Variants in RBMS3 observed in about 807,000 individuals in gnomAD.
RBMS3 encodes RNA binding motif single stranded interacting protein 3.
RBMS3 carries 27 observed loss-of-function variants against 66.8 expected under a neutral mutation model. The observed-to-expected ratio is 0.40, with a 90% CI of 0.30 to 0.56. RBMS3 has a LOEUF of 0.56. Among genes scored for constraint, RBMS3 ranks in the 20% least tolerant of loss-of-function variants. The pLI, the probability that RBMS3 is intolerant of heterozygous loss-of-function variation, is 0.40. For synonymous variants in RBMS3, 188 were observed against 183.0 expected, an observed-to-expected ratio of 1.03 and a Z score of -0.22; for missense variants, 513 against 549.5, an observed-to-expected ratio of 0.93 and a Z score of 0.66.
intron 6 of RBMS3, chr3:29,767,124 T>G (rs1390343809): frequency 6.6e-6 from 1 of 151,930 alleles, no homozygotes; most frequent in East Asian, 1.9e-4. Flanking sequence ...AAAGGGTTAG[T>G]TCCCAGACAC....
chr3:29,535,827 T>C (rs942148503), intron 3 of RBMS3, among the ~76,000 whole-genome samples: 9 of 149,174 alleles, frequency 6.0e-5, no homozygotes, highest in African/African-American at 2.2e-4. Context: ...CATGGACTCA[T>C]TTATAATTTA....
At chr3:29,892,071 C>T (rs375212950) in intron 8 of RBMS3, among the ~76,000 whole-genome samples, 206 of 151,408 alleles carry the variant, frequency 1.4e-3, no homozygotes, top group African/African-American at 4.4e-3. Context: ...TACTACTGAC[C>T]GCCAAATCCC....
At chr3:29,755,929 C>T (rs115128169) in intron 5 of RBMS3, among the ~76,000 whole-genome samples, 150 of 152,186 alleles carry the variant, frequency 9.9e-4, no homozygotes, top group African/African-American at 3.5e-3. Flanking sequence ...CACCACTCTC[C>T]CTGTATAAAT....
intron 7 of RBMS3, among the ~76,000 whole-genome samples, chr3:29,873,065 T>G (rs1333521011): frequency 1.3e-5 from 2 of 152,216 alleles, no homozygotes; most frequent in African/African-American, 4.8e-5. Context: ...TAGGATTGCC[T>G]TGGCTATTCA....
intron 1 of RBMS3, among the ~76,000 whole-genome samples, chr3:29,416,177 G>C (rs1249193117): frequency 6.6e-6 from 1 of 152,074 alleles, no homozygotes; most frequent in African/African-American, 2.4e-5. Flanking sequence ...TGATATGACA[G>C]AGAGATAGAA....
chr3:29,946,522 C>T (rs927213730), intron 12 of RBMS3, among the ~76,000 whole-genome samples: 1 of 151,552 alleles, frequency 6.6e-6, no homozygotes, highest in African/African-American at 2.4e-5. Context: ...AAATAGACCC[C>T]TGATTAAAAT....
chr3:29,500,066 CTT>C (rs766636744), intron 3 of RBMS3, among the ~76,000 whole-genome samples: 2 of 108,362 alleles, frequency 1.8e-5, no homozygotes, highest in Non-Finnish European at 1.8e-5. Context: ...GAAGGATTTT[CTT>C]TTTTTTTTTT....
At chr3:29,402,472 C>G (rs4130686) in intron 1 of RBMS3, among the ~76,000 whole-genome samples, 70,635 of 151,766 alleles carry the variant, frequency 0.47, 18,274 homozygotes, top group African/African-American at 0.71. Flanking sequence ...TAGGTTTTTA[C>G]AACACCAGAA....
intron 1 of RBMS3, among the ~76,000 whole-genome samples, chr3:29,384,435 TAAG>T (rs71628521): frequency 0.18 from 26,051 of 140,866 alleles, 2,909 homozygotes; most frequent in Middle Eastern, 0.32. Flanking sequence ...ATAATAATAA[TAAG>T]AAGAAGAAGA....
chr3:29,922,689 A>G (rs1308869112), intron 10 of RBMS3, among the ~76,000 whole-genome samples: 2 of 152,112 alleles, frequency 1.3e-5, no homozygotes, highest in Non-Finnish European at 2.9e-5. Context: ...AGTTGACACA[A>G]TTCTTACTAC....
intron 4 of RBMS3, among the ~76,000 whole-genome samples, chr3:29,729,450 G>A (rs534165925): frequency 2.6e-5 from 4 of 152,014 alleles, no homozygotes; most frequent in Admixed American, 1.3e-4. Flanking sequence ...ATAAACATAC[G>A]CGTGCATGTG....
intron 5 of RBMS3, among the ~76,000 whole-genome samples, chr3:29,749,706 GTAAAAATGTA>G (rs2055087079): frequency 6.6e-6 from 1 of 152,108 alleles, no homozygotes; most frequent in Admixed American, 6.5e-5. Context: ...AGAGAACCAT[GTAAAAATGTA>G]TCATGCCAGT....
At chr3:29,821,618 T>C (rs1576909731) in intron 6 of RBMS3, among the ~76,000 whole-genome samples, 2 of 152,306 alleles carry the variant, frequency 1.3e-5, no homozygotes, top group South Asian at 4.2e-4. Flanking sequence ...TACAACACTT[T>C]TTATATTATG....
At chr3:29,558,675 T>C (rs2149044179) in intron 3 of RBMS3, among the ~76,000 whole-genome samples, 1 of 152,306 alleles carries the variant, frequency 6.6e-6, no homozygotes, top group Non-Finnish European at 1.5e-5. Flanking sequence ...ATGATCTGTA[T>C]ATGGAATTAA....
chr3:29,553,865 C>T (rs2046259998), intron 3 of RBMS3, among the ~76,000 whole-genome samples: 1 of 146,828 alleles, frequency 6.8e-6, no homozygotes, highest in Non-Finnish European at 1.5e-5. Context: ...CTGAAAGGTA[C>T]ACTGTGTGAA....
At chr3:29,684,779 TACACACACACAC>T (rs10570309) in intron 4 of RBMS3, among the ~76,000 whole-genome samples, 4 of 145,766 alleles carry the variant, frequency 2.7e-5, no homozygotes, top group South Asian at 4.4e-4. Flanking sequence ...GTTTGTTATG[TACACACACACAC>T]ACACACACAC....
intron 4 of RBMS3, among the ~76,000 whole-genome samples, chr3:29,675,696 T>G (rs1322593932): frequency 1.3e-5 from 2 of 152,160 alleles, no homozygotes; most frequent in African/African-American, 4.8e-5. Context: ...ATCACTGGTC[T>G]TCAGAGAAAT....
At chr3:29,381,678 C>T (rs2038770147) in intron 1 of RBMS3, among the ~76,000 whole-genome samples, 1 of 152,198 alleles carries the variant, frequency 6.6e-6, no homozygotes, top group African/African-American at 2.4e-5. Flanking sequence ...ACTATGCTAA[C>T]TCTTATCATA....
intron 2 of RBMS3, among the ~76,000 whole-genome samples, chr3:29,441,038 T>TAAG (rs145412003): frequency 0.036 from 5,475 of 152,232 alleles, 126 homozygotes; most frequent in African/African-American, 0.06. Context: ...TTTCCTCTAA[T>TAAG]AAGACCCTAG....
Sources: allele counts gnomAD v4.1 joint callset (sites outside exome capture counted in the v4.1 genomes callset), GRCh38; gene constraint gnomAD v4.1.1; transcripts MANE v1.5; gene names NCBI Gene and HGNC (gene_info 2026-07-23, HGNC 2026-07-21).